The following GRID1 variants were observed in gnomAD, a reference collection of about 807,000 sequenced individuals.
GRID1 encodes glutamate ionotropic receptor delta type subunit 1, also known as glutamate receptor ionotropic, delta-1.
In GRID1, 28 loss-of-function variants were observed where a neutral mutation model predicts 98.0. The observed-to-expected ratio is 0.29, with a 90% CI of 0.21 to 0.39. The LOEUF (loss-of-function observed/expected upper bound fraction) is 0.39. Ranked by LOEUF, GRID1 falls within the 10% of genes least tolerant of loss-of-function variation. The probability of loss-of-function intolerance (pLI) is 1.00; values close to 1 mark genes in which losing one functional copy is unlikely to be tolerated. For missense variants in GRID1, 1,111 were observed against 1,340.5 expected, an observed-to-expected ratio of 0.83 and a Z score of 2.67; for synonymous variants, 553 against 538.5, an observed-to-expected ratio of 1.03 and a Z score of -0.37.
intron 4 of GRID1, among the ~76,000 whole-genome samples, chr10:86,104,157 C>T (rs1475139930): frequency 2.6e-5 from 4 of 152,190 alleles, no homozygotes; most frequent in African/African-American, 9.7e-5. Context: ...CAAGAACAGG[C>T]TTGGAGACAT....
At chr10:85,719,883 G>A (rs1262938745) in intron 12 of GRID1, among the ~76,000 whole-genome samples, 2 of 152,050 alleles carry the variant, frequency 1.3e-5, no homozygotes, top group Admixed American at 1.3e-4. Context: ...AAGGATCTCT[G>A]GATAGACAAA....
rs530153922 is a variant in GRID1 at position 85,861,160 on chromosome 10, T to C, written c.952-4970A>G. On this transcript the variant is annotated intron_variant, in intron 6 of 15. Transcript: ENST00000327946. ...CATGAGGACTACTGTGAAAATGCAT[T>C]TGTATCCTCCAACACCACTCGTTCT... Among the ~76,000 whole-genome samples, 17 of 152,218 alleles carry C rather than the reference T, an allele frequency of 1.1e-4. 1 individual carries two copies. Among genetic ancestry groups the C allele is most frequent in the Admixed American group, 5.9e-4 (9 of 15,296 alleles).
At chr10:86,140,163 C>T (rs75947354) in intron 3 of GRID1, among the ~76,000 whole-genome samples, 3,921 of 152,272 alleles carry the variant, frequency 0.026, 178 homozygotes, top group African/African-American at 0.089. Flanking sequence ...TTTTCACAGC[C>T]TTGGATGTTT....
chr10:85,669,911 T>C (rs1261725456), intron 12 of GRID1, among the ~76,000 whole-genome samples: 1 of 152,208 alleles, frequency 6.6e-6, no homozygotes, highest in African/African-American at 2.4e-5. Context: ...ATTCTGCTTT[T>C]CATGCAGCAT....
chr10:86,312,444 A>G (rs1000539364), intron 2 of GRID1, among the ~76,000 whole-genome samples: 2 of 152,148 alleles, frequency 1.3e-5, no homozygotes, highest in African/African-American at 4.8e-5. Flanking sequence ...TTTCCTTCCA[A>G]TCCGCTCCTC....
chr10:86,211,496 G>A (rs1846107617), intron 2 of GRID1, among the ~76,000 whole-genome samples: 1 of 152,200 alleles, frequency 6.6e-6, no homozygotes, highest in Non-Finnish European at 1.5e-5. Context: ...GGGGGTGTGG[G>A]GGGTGCCCAG....
At chr10:85,991,045 T>C (rs1476744377) in intron 4 of GRID1, among the ~76,000 whole-genome samples, 1 of 152,184 alleles carries the variant, frequency 6.6e-6, no homozygotes, top group Non-Finnish European at 1.5e-5. Context: ...CCAAGATTCC[T>C]CTTGCGCCCT....
chr10:86,145,551 C>CACACACACACAT (rs1221454446), intron 3 of GRID1, among the ~76,000 whole-genome samples: 2 of 151,608 alleles, frequency 1.3e-5, no homozygotes, highest in Non-Finnish European at 2.9e-5. Context: ...TCCACATACA[C>CACACACACACAT]ACACACACAC....
intron 2 of GRID1, among the ~76,000 whole-genome samples, chr10:86,234,458 A>T (rs1259595363): frequency 1.3e-5 from 2 of 152,246 alleles, no homozygotes; most frequent in Non-Finnish European, 2.9e-5. Context: ...CCTCTCACTC[A>T]TCGGCTCCTT....
chr10:85,751,213 T>C (rs1010888396), intron 8 of GRID1, among the ~76,000 whole-genome samples: 2 of 152,212 alleles, frequency 1.3e-5, no homozygotes, highest in African/African-American at 2.4e-5. Flanking sequence ...GCACCTCTTC[T>C]GGTTGCCCTG....
chr10:86,332,020 A>G (rs1466974113), intron 2 of GRID1, among the ~76,000 whole-genome samples: 1 of 152,236 alleles, frequency 6.6e-6, no homozygotes, highest in Non-Finnish European at 1.5e-5. Context: ...CGGAGGCTGC[A>G]GGGCTCAGGG....
chr10:86,214,421 CCA>C (rs1846147845), intron 2 of GRID1, among the ~76,000 whole-genome samples: 1 of 152,230 alleles, frequency 6.6e-6, no homozygotes, highest in Non-Finnish European at 1.5e-5. Context: ...CACACCGTCC[CCA>C]GTCTTCCCTC....
intron 2 of GRID1, among the ~76,000 whole-genome samples, chr10:86,311,517 G>A (rs1412702902): frequency 6.6e-6 from 1 of 152,142 alleles, no homozygotes; most frequent in African/African-American, 2.4e-5. Context: ...CTCTAGCCAG[G>A]CAGGGCAAAT....
chr10:86,300,305 C>T (rs1342063193), intron 2 of GRID1, among the ~76,000 whole-genome samples: 1 of 151,272 alleles, frequency 6.6e-6, no homozygotes, highest in African/African-American at 2.4e-5. Flanking sequence ...ATATGGTAGC[C>T]CTAGAAAACT....
intron 4 of GRID1, among the ~76,000 whole-genome samples, chr10:86,020,358 G>A (rs1451647996): frequency 2.0e-5 from 3 of 152,180 alleles, no homozygotes; most frequent in African/African-American, 4.8e-5. Flanking sequence ...GGTTCCTGGC[G>A]CTGACCGACT....
At chr10:85,940,855 A>G (rs1841989082) in intron 4 of GRID1, among the ~76,000 whole-genome samples, 1 of 152,250 alleles carries the variant, frequency 6.6e-6, no homozygotes, top group South Asian at 2.1e-4. Context: ...AGCATCAGCC[A>G]GAACCTTGGA....
At chr10:85,729,737 C>T in intron 8 of GRID1, 123 bp from the exon 9 acceptor site, 2 of 590,200 alleles carry the variant, frequency 3.4e-6, no homozygotes, top group East Asian at 2.8e-5. Context: ...CCTGGAGTTC[C>T]CAGAGACCCA....
At chr10:86,180,724 G>A (rs1477084770) in intron 3 of GRID1, among the ~76,000 whole-genome samples, 2 of 152,202 alleles carry the variant, frequency 1.3e-5, no homozygotes, top group Non-Finnish European at 1.5e-5. Context: ...GCTCACAGGA[G>A]CAGGGCTGGA....
intron 2 of GRID1, among the ~76,000 whole-genome samples, chr10:86,209,229 G>A (rs1026886389): frequency 6.6e-6 from 1 of 152,180 alleles, no homozygotes; most frequent in Non-Finnish European, 1.5e-5. Flanking sequence ...AAAATTTTGT[G>A]ACATAAACAG....
Sources: gnomAD v4.1 joint callset for allele counts (sites outside exome capture counted in the v4.1 genomes callset) on GRCh38, gnomAD v4.1.1 for gene constraint, MANE v1.5 for transcripts, NCBI Gene and HGNC (gene_info 2026-07-23, HGNC 2026-07-21) for gene names.